The following TRAPPC9 variants were observed in gnomAD, a reference collection of about 807,000 sequenced individuals.
TRAPPC9 encodes the protein trafficking protein particle complex subunit 9.
TRAPPC9 carries 83 observed loss-of-function variants against 124.0 expected under a neutral mutation model. The observed-to-expected ratio is 0.67, with a 90% CI of 0.56 to 0.80. The LOEUF (loss-of-function observed/expected upper bound fraction) is 0.80, where lower values mean the gene tolerates loss of function less well. Among genes scored for constraint, TRAPPC9 ranks in the 30% least tolerant of loss-of-function variants. The probability of loss-of-function intolerance (pLI) is 0.00; values close to 1 mark genes in which losing one functional copy is unlikely to be tolerated. For missense variants in TRAPPC9, 1,302 were observed against 1,508.3 expected (o/e 0.86, Z 2.27); for synonymous variants, 638 against 617.5 (o/e 1.03, Z -0.49).
At chr8:140,458,175 A>T, upstream of TRAPPC9, 3 of 1,532,932 alleles carry the variant, frequency 2.0e-6, no homozygotes, top group Non-Finnish European at 2.6e-6. Context: ...AGATGGAGCG[A>T]GGAGGGAGGG....
intron 21 of TRAPPC9, among the ~76,000 whole-genome samples, chr8:139,846,309 C>T (rs779849705): frequency 3.9e-5 from 6 of 152,190 alleles, no homozygotes; most frequent in South Asian, 2.1e-4. Flanking sequence ...CCCCACCCCC[C>T]GCAGCAGGCA....
chr8:140,455,864 CACA>C (rs2071641449), intron 1 of TRAPPC9, among the ~76,000 whole-genome samples: 4 of 152,136 alleles, frequency 2.6e-5, no homozygotes, highest in Admixed American at 1.3e-4. Flanking sequence ...TGATGTAAGC[CACA>C]ACATGAATAA....
chr8:139,964,039 A>G (rs1283635603), intron 19 of TRAPPC9, among the ~76,000 whole-genome samples: 3 of 152,074 alleles, frequency 2.0e-5, no homozygotes, highest in Non-Finnish European at 2.9e-5. Context: ...CCTGGCTAAC[A>G]TGGTGAAACC....
chr8:140,112,443 G>A (rs1277088409), intron 17 of TRAPPC9, among the ~76,000 whole-genome samples: 3 of 152,054 alleles, frequency 2.0e-5, no homozygotes, highest in Non-Finnish European at 4.4e-5. Flanking sequence ...GGTGCGAGGA[G>A]AGTAATGGAG....
rs1845008536 is a variant in TRAPPC9, at chr8:140,097,056, A to C, written c.2557-72977T>G. Reference sequence around the variant, plus strand: ...AACAATGGCACGGGGCAGGGCAAAGATGCTCACCCAGGTCTCAGGTTGCAG... The same window carrying C: ...AACAATGGCACGGGGCAGGGCAAAGCTGCTCACCCAGGTCTCAGGTTGCAG... On this transcript the variant is annotated intron_variant, in intron 17 of 22. Coordinates refer to ENST00000438773, the MANE Select transcript of TRAPPC9 (RefSeq NM_001160372.4). This position sits in a 1 kb window ranked among gnomAD's most constrained non-coding sequence, Gnocchi z 4.2. 1 of 152,374 alleles carries C rather than the reference A, an allele frequency of 6.6e-6. No homozygotes were observed. The highest frequency in any genetic ancestry group is 1.5e-5 in the Non-Finnish European group (1 of 68,170). The allele number at this position is 152,374 out of a possible 1,614,324, so 9.4% of individuals were successfully genotyped here.
intron 21 of TRAPPC9, among the ~76,000 whole-genome samples, chr8:139,760,141 C>T (rs1028546699): frequency 3.3e-5 from 5 of 152,192 alleles, no homozygotes; most frequent in African/African-American, 1.2e-4. Context: ...ATATGACCTA[C>T]TCCAGTGGCT....
intron 5 of TRAPPC9, among the ~76,000 whole-genome samples, chr8:140,413,451 C>T (rs983094962): frequency 6.6e-6 from 1 of 150,710 alleles, no homozygotes; most frequent in Non-Finnish European, 1.5e-5. Flanking sequence ...GGAACATAAG[C>T]GTCAGGCCAG....
intron 6 of TRAPPC9, among the ~76,000 whole-genome samples, chr8:140,401,490 C>A (rs2069269422): frequency 6.6e-6 from 1 of 152,136 alleles, no homozygotes; most frequent in East Asian, 1.9e-4. Flanking sequence ...ATGGAAATGC[C>A]ATTTTTCCTT....
intron 19 of TRAPPC9, among the ~76,000 whole-genome samples, chr8:139,986,294 G>A (rs944392583): frequency 6.6e-6 from 1 of 152,022 alleles, no homozygotes; most frequent in Non-Finnish European, 1.5e-5. Context: ...ATGTTTGGGT[G>A]GGGATATATG....
chr8:140,125,741 C>T (rs889118903), intron 17 of TRAPPC9, among the ~76,000 whole-genome samples: 3 of 151,776 alleles, frequency 2.0e-5, no homozygotes, highest in South Asian at 2.1e-4. Flanking sequence ...ATTACAGGTG[C>T]GTGCCACCAC....
At chr8:140,323,995 C>A (rs1327614876) in intron 9 of TRAPPC9, among the ~76,000 whole-genome samples, 1 of 152,146 alleles carries the variant, frequency 6.6e-6, no homozygotes, top group East Asian at 1.9e-4. Flanking sequence ...GCACCCATTA[C>A]CCTAGCGATA....
intron 5 of TRAPPC9, among the ~76,000 whole-genome samples, chr8:140,416,831 A>G (rs1394783864): frequency 6.6e-6 from 1 of 152,248 alleles, no homozygotes; most frequent in Non-Finnish European, 1.5e-5. Flanking sequence ...CTACAAGTCT[A>G]CAGTAACCAA....
chr8:139,796,210 G>C (rs1195167383), intron 21 of TRAPPC9, among the ~76,000 whole-genome samples: 1 of 152,146 alleles, frequency 6.6e-6, no homozygotes, highest in Non-Finnish European at 1.5e-5. Flanking sequence ...TTGCTTAAGA[G>C]GCTTCCCTTC....
intron 11 of TRAPPC9, among the ~76,000 whole-genome samples, chr8:140,297,066 G>A (rs1368428011): frequency 1.3e-5 from 2 of 152,190 alleles, no homozygotes; most frequent in Admixed American, 6.5e-5. Flanking sequence ...GCCAGGAAAC[G>A]ACGTCCCCAA....
chr8:139,959,967 A>C (rs1835267962), intron 19 of TRAPPC9, among the ~76,000 whole-genome samples: 2 of 152,192 alleles, frequency 1.3e-5, no homozygotes, highest in African/African-American at 4.8e-5. Context: ...CGATGGAGGA[A>C]GGAGGCGGCG....
intron 17 of TRAPPC9, among the ~76,000 whole-genome samples, chr8:140,065,566 C>T (rs1842860645): frequency 6.6e-6 from 1 of 152,210 alleles, no homozygotes; most frequent in South Asian, 2.1e-4. Flanking sequence ...AGCCAACACT[C>T]ATTTCCCATT....
intron 17 of TRAPPC9, among the ~76,000 whole-genome samples, chr8:140,219,552 A>AC (rs1303220079): frequency 6.6e-6 from 1 of 151,930 alleles, no homozygotes; most frequent in Non-Finnish European, 1.5e-5. Context: ...ACAACCAATG[A>AC]CCCCAGCTTT....
At chr8:139,741,288 G>A (rs1401576499) in intron 21 of TRAPPC9, among the ~76,000 whole-genome samples, 1 of 152,152 alleles carries the variant, frequency 6.6e-6, no homozygotes, top group Non-Finnish European at 1.5e-5. Flanking sequence ...TGTCTTCCAG[G>A]CCCAGGGCTC....
intron 17 of TRAPPC9, among the ~76,000 whole-genome samples, chr8:140,140,699 T>C: frequency 6.6e-6 from 1 of 152,322 alleles, no homozygotes; most frequent in South Asian, 2.1e-4. Context: ...TAAAGCAAAG[T>C]TGGACCAAGT....
Sources: allele counts gnomAD v4.1 joint callset (sites outside exome capture counted in the v4.1 genomes callset), GRCh38; gene constraint gnomAD v4.1.1; non-coding constraint Gnocchi (gnomAD v3.1); transcripts MANE v1.5; gene names NCBI Gene and HGNC (gene_info 2026-07-23, HGNC 2026-07-21).